Variants in NLGN1 observed in about 807,000 individuals in gnomAD.
NLGN1 encodes neuroligin 1, also known as neuroligin-1.
NLGN1 carries 12 observed loss-of-function variants against 65.5 expected under a neutral mutation model. The ratio of observed to expected loss-of-function variants is 0.18; its 90% CI spans 0.12 to 0.30. The LOEUF (loss-of-function observed/expected upper bound fraction) is 0.30, where lower values mean the gene tolerates loss of function less well. Among genes scored for constraint, NLGN1 ranks in the 10% least tolerant of loss-of-function variants. The pLI, the probability that NLGN1 is intolerant of heterozygous loss-of-function variation, is 1.00. For synonymous variants in NLGN1, 350 were observed against 359.5 expected, an observed-to-expected ratio of 0.97 and a Z score of 0.30; for missense variants, 750 against 1,007.1, an observed-to-expected ratio of 0.74 and a Z score of 3.46.
At chr3:174,002,751 A>G (rs964688660) in intron 4 of NLGN1, among the ~76,000 whole-genome samples, 91 of 151,820 alleles carry the variant, frequency 6.0e-4, no homozygotes, top group South Asian at 2.3e-3. Context: ...CCCTGGGGGA[A>G]AAAAAAATGG....
chr3:174,195,067 G>C (rs1375447573), intron 4 of NLGN1, among the ~76,000 whole-genome samples: 2 of 151,926 alleles, frequency 1.3e-5, no homozygotes, highest in Non-Finnish European at 2.9e-5. Context: ...CTCCATGTTG[G>C]TCAGGCTGGT....
chr3:174,132,642 A>C (rs1410857940), intron 4 of NLGN1, among the ~76,000 whole-genome samples: 1 of 152,172 alleles, frequency 6.6e-6, no homozygotes, highest in Non-Finnish European at 1.5e-5. Flanking sequence ...ACGTGGGCTT[A>C]AGAGTGTTCA....
intron 4 of NLGN1, among the ~76,000 whole-genome samples, chr3:174,208,253 G>A (rs1735801852): frequency 6.6e-6 from 1 of 152,216 alleles, no homozygotes; most frequent in Admixed American, 6.5e-5. Context: ...AGATATGGTT[G>A]AATTAGATTA....
chr3:174,045,989 T>G (rs910358944), intron 4 of NLGN1, among the ~76,000 whole-genome samples: 3 of 152,162 alleles, frequency 2.0e-5, no homozygotes, highest in Non-Finnish European at 4.4e-5. Context: ...AAAATCCTAC[T>G]AGGGCAAAAG....
intron 4 of NLGN1, among the ~76,000 whole-genome samples, chr3:173,976,014 G>C (rs1015297972): frequency 9.2e-5 from 14 of 151,966 alleles, no homozygotes; most frequent in African/African-American, 3.4e-4. Context: ...ACTATACAAA[G>C]TGGGCTAGGT....
intron 4 of NLGN1, among the ~76,000 whole-genome samples, chr3:174,209,340 C>A (rs1736013324): frequency 6.6e-6 from 1 of 152,176 alleles, no homozygotes; most frequent in South Asian, 2.1e-4. Flanking sequence ...TATTTTATCA[C>A]TATGCATTAT....
exon 7 of NLGN1, chr3:174,282,522 G>A (rs1751655051): frequency 1.3e-5 from 2 of 152,158 alleles, no homozygotes; most frequent in Non-Finnish European, 2.9e-5. Context: ...CGCAATCTCA[G>A]TAGAGTACAA....
At chr3:173,579,290 A>G (rs974572178) in intron 2 of NLGN1, among the ~76,000 whole-genome samples, 38 of 152,204 alleles carry the variant, frequency 2.5e-4, no homozygotes, top group Non-Finnish European at 5.0e-4. Context: ...CCTGGGCAAC[A>G]TAGTGAATCC....
Position 174,094,753 on chromosome 3 carries a change from A to C in NLGN1, c.647-180562A>C, listed in dbSNP as rs1745154985. Among the ~76,000 whole-genome samples, 26 of 150,812 alleles carry C rather than the reference A, an allele frequency of 1.7e-4. 1 individual carries two copies. In the South Asian group the frequency reaches 5.4e-3, roughly 31 times the overall value. Reference sequence around the variant, plus strand: ...ATTGTTCCTTGGCTCCGCTAAAAAAAAAAAAAAAAAAAAAAAGTCAAGCAT... The same window carrying C: ...ATTGTTCCTTGGCTCCGCTAAAAAACAAAAAAAAAAAAAAAAGTCAAGCAT... On this transcript the variant is annotated intron_variant, in intron 4 of 6. Transcript: ENST00000457714.
intron 3 of NLGN1, among the ~76,000 whole-genome samples, chr3:173,618,930 G>T (rs563119654): frequency 6.6e-6 from 1 of 152,244 alleles, no homozygotes; most frequent in South Asian, 2.1e-4. Flanking sequence ...TTTCTGGCAG[G>T]GCTGGCTTCA....
intron 3 of NLGN1, among the ~76,000 whole-genome samples, chr3:173,717,179 G>A (rs981381846): frequency 3.3e-5 from 5 of 152,150 alleles, no homozygotes; most frequent in African/African-American, 1.2e-4. Context: ...CTTAGAGTCA[G>A]TGGACTTTGA....
chr3:174,146,141 CT>C lies in NLGN1; in HGVS notation c.647-129172del, dbSNP rs1363495588. 2.9e-3 allele frequency among the ~76,000 whole-genome samples: 423 copies of C among 144,844 alleles called. 6 individuals are homozygous for C. Among genetic ancestry groups the C allele is most frequent in the African/African-American group, 0.011 (409 of 35,628 alleles). ...CCTTCCTTCCTTCCTTCCTTCCTTC[CT>C]TCCTTCCTTCCTCTCTCCCTCCCTC... On this transcript the variant is annotated intron_variant, in intron 4 of 6. Transcript: ENST00000457714.
intron 2 of NLGN1, among the ~76,000 whole-genome samples, chr3:173,495,513 AG>A (rs1729862797): frequency 1.3e-5 from 2 of 151,522 alleles, no homozygotes; most frequent in Admixed American, 6.6e-5. Flanking sequence ...CTAGTAAAAC[AG>A]TGGGTGAGTT....
intron 4 of NLGN1, among the ~76,000 whole-genome samples, chr3:173,989,902 G>A (rs1483541437): frequency 6.6e-6 from 1 of 152,006 alleles, no homozygotes; most frequent in Non-Finnish European, 1.5e-5. Flanking sequence ...AGCCATTTTT[G>A]CACTCAAGCT....
chr3:173,449,921 C>T (rs1721158500), intron 2 of NLGN1, among the ~76,000 whole-genome samples: 1 of 152,074 alleles, frequency 6.6e-6, no homozygotes, highest in African/African-American at 2.4e-5. Flanking sequence ...CTTGGTAGAT[C>T]TTCCTCCATT....
chr3:173,752,546 A>G (rs1201700375), intron 3 of NLGN1, among the ~76,000 whole-genome samples: 4 of 152,068 alleles, frequency 2.6e-5, no homozygotes, highest in Admixed American at 1.3e-4. Context: ...TCATAGCATT[A>G]ATACTTCTTT....
exon 3 of NLGN1, chr3:173,604,720 G>A (rs144770367): frequency 6.2e-7 from 1 of 1,613,626 alleles, no homozygotes; most frequent in Non-Finnish European, 8.5e-7. Flanking sequence ...CTTCAGGCTG[G>A]CCATGTGCTA....
intron 4 of NLGN1, among the ~76,000 whole-genome samples, chr3:173,828,457 T>C (rs1353928314): frequency 6.6e-6 from 1 of 152,116 alleles, no homozygotes; most frequent in Non-Finnish European, 1.5e-5. Flanking sequence ...ATCCAACAGA[T>C]ATTCACAGAA....
intron 2 of NLGN1, among the ~76,000 whole-genome samples, chr3:173,470,281 T>C (rs913906931): frequency 2.0e-5 from 3 of 152,132 alleles, no homozygotes; most frequent in Non-Finnish European, 4.4e-5. Context: ...CCATTTCTTT[T>C]TCTTTCATCA....
Sources: gnomAD v4.1 joint callset for allele counts (sites outside exome capture counted in the v4.1 genomes callset) on GRCh38, gnomAD v4.1.1 for gene constraint, MANE v1.5 for transcripts, NCBI Gene and HGNC (gene_info 2026-07-23, HGNC 2026-07-21) for gene names.